The following NDFIP1 variants were observed in gnomAD, a reference collection of about 807,000 sequenced individuals.
NDFIP1 encodes the protein Nedd4 family interacting protein 1, also known as NEDD4 family-interacting protein 1.
Under a neutral mutation model 28.8 loss-of-function variants are expected in NDFIP1, and 7 were observed. That is an observed-to-expected ratio of 0.24 (90% CI 0.14 to 0.46). The LOEUF is 0.46. Among genes scored for constraint, NDFIP1 ranks in the 20% least tolerant of loss-of-function variants. The pLI is 0.99. For missense variants in NDFIP1, 194 were observed against 269.1 expected, an observed-to-expected ratio of 0.72 and a Z score of 1.95; for synonymous variants, 92 against 101.0, an observed-to-expected ratio of 0.91 and a Z score of 0.53.
chr5:142,146,802 A>T (rs1363643360), intron 7 of NDFIP1, among the ~76,000 whole-genome samples: 1 of 152,214 alleles, frequency 6.6e-6, no homozygotes, highest in African/African-American at 2.4e-5. Flanking sequence ...GTTGACAGAA[A>T]GCCTGAACGT....
chr5:142,128,799 C>G (rs907227745), intron 1 of NDFIP1, among the ~76,000 whole-genome samples: 1 of 152,178 alleles, frequency 6.6e-6, no homozygotes, highest in Non-Finnish European at 1.5e-5. Flanking sequence ...GGAGCAAACT[C>G]TTCACCTGGA....
At chr5:142,140,443 C>T (rs1422594657) in intron 5 of NDFIP1, 120 bp from the exon 6 acceptor site, 29 of 735,132 alleles carry the variant, frequency 3.9e-5, no homozygotes, top group Non-Finnish European at 2.5e-5. Flanking sequence ...AGCGAAACTC[C>T]GTCTCAAAAA....
At chr5:142,129,640 A>C (rs532214671) in intron 1 of NDFIP1, among the ~76,000 whole-genome samples, 2 of 152,130 alleles carry the variant, frequency 1.3e-5, no homozygotes, top group African/African-American at 4.8e-5. Flanking sequence ...AATTTAATGG[A>C]TTGTGGCCGG....
In NDFIP1 at chr5:142,141,173, T is replaced by TTC. The variant is rs1329176399; in HGVS notation, c.562+545_562+546insCT. Among the ~76,000 whole-genome samples, 6 of 126,114 alleles carry TTC rather than the reference T, an allele frequency of 4.8e-5. No individual in the cohort carries two copies. The East Asian group carries it at 1.3e-3, about 27-fold the overall frequency. 82.7% of individuals were successfully genotyped at this position (126,114 alleles called of 152,430 possible). A position where few individuals can be genotyped will look rare whatever the true frequency, so the allele number is the denominator to read the frequency against. On this transcript the variant is annotated intron_variant, in intron 6 of 7. Transcript: ENST00000253814. ...TTTTACAATAGGCAAGAGGACTTTT[T>TTC]TTTTTTTTTTTTTTTTTTTTTTTAC...
At chr5:142,140,468 A>G (rs1051663341) in intron 5 of NDFIP1, 95 bp from the exon 6 acceptor site, 82 of 1,007,346 alleles carry the variant, frequency 8.1e-5, no homozygotes, top group Non-Finnish European at 1.1e-4. Flanking sequence ...AAAAAAAAGA[A>G]TAAGTCTTGC....
intron 6 of NDFIP1, among the ~76,000 whole-genome samples, chr5:142,141,263 C>T (rs906840729): frequency 1.4e-5 from 2 of 148,108 alleles, no homozygotes; most frequent in Non-Finnish European, 1.5e-5. Context: ...GCAAGCTCCA[C>T]CTCCCGGGTT....
chr5:142,145,573 C>G (rs1757380574), intron 7 of NDFIP1, among the ~76,000 whole-genome samples: 1 of 151,996 alleles, frequency 6.6e-6, no homozygotes. Flanking sequence ...TGGTGTAGTT[C>G]AGATAAACTT....
chr5:142,110,045 T>G (rs996063676), intron 1 of NDFIP1, among the ~76,000 whole-genome samples: 9 of 152,212 alleles, frequency 5.9e-5, no homozygotes, highest in Non-Finnish European at 1.0e-4. Flanking sequence ...TCTACAATTT[T>G]ATATTTTAGA....
rs1757465273 is a variant in NDFIP1, at chr5:142,153,190, T to G, written c.*1462T>G. The G allele has an allele frequency of 2.3e-6, 1 of 434,632 alleles. No individual in the cohort carries two copies. Among genetic ancestry groups the G allele is most frequent in the Admixed American group, 2.5e-5 (1 of 39,656 alleles). 26.9% of individuals were successfully genotyped at this position (434,632 alleles called of 1,614,324 possible). ...TCAGTTGAAATTAAAGATTCCTCAT[T>G]TCTCCTGATTTCTATTCTTGTCTCA... On this transcript the variant is annotated 3_prime_UTR_variant, in exon 8 of 8. Coordinates refer to ENST00000253814, the MANE Select transcript of NDFIP1 (RefSeq NM_030571.4).
chr5:142,138,045 G>T, intron 5 of NDFIP1, 187 bp downstream of exon 5: 1 of 577,900 alleles, frequency 1.7e-6, no homozygotes, highest in Non-Finnish European at 2.8e-6. Context: ...CACAAGTTTT[G>T]TTGTCAAATC....
rs1486995674 is a variant in NDFIP1, at chr5:142,152,498, AC to A, written c.*775del. 4 of 59,678 alleles carry A rather than the reference AC, an allele frequency of 6.7e-5. No individual in the cohort carries two copies. The highest frequency in any genetic ancestry group is 1.1e-4 in the Non-Finnish European group (3 of 27,196). The allele number at this position is 59,678 out of a possible 1,614,324, so 3.7% of individuals were successfully genotyped here. On this transcript the variant is annotated 3_prime_UTR_variant, in exon 8 of 8. Coordinates refer to ENST00000253814, the MANE Select transcript of NDFIP1 (RefSeq NM_030571.4). ...ATTAGCGTTCTTCACCCCCACCCCC[AC>A]CCCCACCCCCCTTATTTTCCTTTTG...
At chr5:142,123,135 C>G (rs1020601915) in intron 1 of NDFIP1, among the ~76,000 whole-genome samples, 1 of 151,780 alleles carries the variant, frequency 6.6e-6, no homozygotes, top group African/African-American at 2.4e-5. Context: ...GCTAATTTTT[C>G]TATTTTTAGT....
chr5:142,109,662 G>A (rs952504071), intron 1 of NDFIP1, among the ~76,000 whole-genome samples: 2 of 152,224 alleles, frequency 1.3e-5, no homozygotes, highest in East Asian at 1.9e-4. Flanking sequence ...TCTGCAGGGC[G>A]TGTGCCGGGT....
chr5:142,142,968 T>TATATATATATATA (rs1757352438), intron 6 of NDFIP1: 3 of 127,950 alleles, frequency 2.3e-5, no homozygotes, highest in Non-Finnish European at 3.3e-5. Flanking sequence ...TATATATATA[T>TATATATATATATA]TAATAAGAGT....
chr5:142,137,011 C>T (rs1757283218), intron 4 of NDFIP1, among the ~76,000 whole-genome samples: 1 of 135,358 alleles, frequency 7.4e-6, no homozygotes, highest in African/African-American at 2.8e-5. Flanking sequence ...GCAGAGATTG[C>T]AGTGAGCCAA....
At chr5:142,135,609 A>G (rs952633661) in intron 3 of NDFIP1, 121 bp from the exon 4 acceptor site, 7 of 727,412 alleles carry the variant, frequency 9.6e-6, no homozygotes, top group South Asian at 1.8e-5. Context: ...TGAGCCTTTA[A>G]TGCTCATAAT....
At chr5:142,116,575 G>T (rs1245870865) in intron 1 of NDFIP1, among the ~76,000 whole-genome samples, 2 of 151,824 alleles carry the variant, frequency 1.3e-5, no homozygotes, top group Non-Finnish European at 2.9e-5. Context: ...CACCATGTTG[G>T]CCAGGCTAGT....
rs778333770 is a variant in NDFIP1 at position 142,108,986 on chromosome 5, G to A, written c.12G>A (p.Ala4=). MAL[A]LAALAAVEPA... is the part of the protein sequence containing the mutation. ...CTGCCGGCTGCGCCATGGCGTTGGC[G>A]TTGGCGGCGCTGGCGGCGGTCGAGC... Residue 4 remains alanine, a synonymous_variant, in exon 1 of 8, where the codon GCG becomes GCA. Transcript: ENST00000253814. 2 of 1,447,034 alleles carry A rather than the reference G, an allele frequency of 1.4e-6. No individual in the cohort carries two copies. The highest frequency in any genetic ancestry group is 2.6e-5 in the Admixed American group (1 of 39,012). The allele number at this position is 1,447,034 out of a possible 1,614,324, so 89.6% of individuals were successfully genotyped here.
At chr5:142,137,322 C>T (rs879614769) in intron 4 of NDFIP1, among the ~76,000 whole-genome samples, 33 of 151,738 alleles carry the variant, frequency 2.2e-4, no homozygotes, top group Admixed American at 1.5e-3. Flanking sequence ...CCACTGTGCC[C>T]GGCTTTTGTT....
Sources: allele counts gnomAD v4.1 joint callset (sites outside exome capture counted in the v4.1 genomes callset), GRCh38; gene constraint gnomAD v4.1.1; transcripts MANE v1.5; gene names NCBI Gene and HGNC (gene_info 2026-07-23, HGNC 2026-07-21).